The following FAM110B variants were observed in gnomAD, a reference collection of about 807,000 sequenced individuals.
The protein encoded by FAM110B is protein FAM110B.
In FAM110B, 6 loss-of-function variants were observed where a neutral mutation model predicts 20.4. The observed-to-expected ratio is 0.29, with a 90% CI of 0.16 to 0.58. The LOEUF (loss-of-function observed/expected upper bound fraction) is 0.58. Among genes scored for constraint, FAM110B ranks in the 20% least tolerant of loss-of-function variants. The probability of loss-of-function intolerance (pLI) is 0.90; values close to 1 mark genes in which losing one functional copy is unlikely to be tolerated. For missense variants in FAM110B, 434 were observed against 498.2 expected, an observed-to-expected ratio of 0.87 and a Z score of 1.23; for synonymous variants, 226 against 214.1, an observed-to-expected ratio of 1.06 and a Z score of -0.49.
intron 2 of FAM110B, chr8:58,032,043 G>C (rs1804972952): frequency 6.6e-6 from 1 of 152,220 alleles, no homozygotes; most frequent in African/African-American, 2.4e-5. Flanking sequence ...GCCGGCTGCT[G>C]GGGGGCAGAT....
intron 2 of FAM110B, among the ~76,000 whole-genome samples, chr8:58,059,739 T>A (rs928848922): frequency 7.2e-5 from 11 of 152,068 alleles, no homozygotes; most frequent in African/African-American, 2.4e-5. Flanking sequence ...GCAGACATTT[T>A]AATTTTTGTT....
At chr8:58,115,865 G>A (rs912247061) in intron 3 of FAM110B, among the ~76,000 whole-genome samples, 2 of 152,202 alleles carry the variant, frequency 1.3e-5, no homozygotes, top group Non-Finnish European at 2.9e-5. Context: ...TGTTAGCAGA[G>A]GTAGAATAGC....
chr8:58,132,076 G>A (rs1000213851), intron 3 of FAM110B, among the ~76,000 whole-genome samples: 2 of 152,144 alleles, frequency 1.3e-5, no homozygotes, highest in African/African-American at 2.4e-5. Context: ...TATTTTCCAC[G>A]AAGGAGGGTG....
At chr8:58,025,031 C>T (rs181268885) in intron 1 of FAM110B, among the ~76,000 whole-genome samples, 74 of 152,306 alleles carry the variant, frequency 4.9e-4, no homozygotes, top group Middle Eastern at 6.8e-3. Flanking sequence ...ACATAAACAA[C>T]ATGGCTAATT....
chr8:57,997,973 T>A (rs1804217899), intron 1 of FAM110B, among the ~76,000 whole-genome samples: 1 of 152,200 alleles, frequency 6.6e-6, no homozygotes, highest in African/African-American at 2.4e-5. Flanking sequence ...CCAGACCCCA[T>A]GAATCTTTCT....
intron 2 of FAM110B, among the ~76,000 whole-genome samples, chr8:58,033,819 A>T (rs1252404478): frequency 1.3e-5 from 2 of 152,112 alleles, no homozygotes; most frequent in Admixed American, 6.5e-5. Flanking sequence ...GCTGCAAGTC[A>T]GTTGATTGCC....
chr8:58,097,050 G>A (rs959981516), intron 3 of FAM110B, among the ~76,000 whole-genome samples: 2 of 152,094 alleles, frequency 1.3e-5, no homozygotes, highest in African/African-American at 2.4e-5. Flanking sequence ...GAGTATCTTC[G>A]TGGTGTTCAC....
At position 58,148,170 on chromosome 8, in the gene FAM110B, T is replaced by G. The variant is rs1422278648; in HGVS notation, c.*827T>G. ...AAAAAAAAGTTGTGGTTTTTTGTTT[T>G]TTTTTTTTTTTTTTTTGGTCGAGAA... On this transcript the variant is annotated 3_prime_UTR_variant, in exon 4 of 4. Coordinates refer to ENST00000519262, the MANE Select transcript of FAM110B (RefSeq NM_001377989.1). 1 of 149,062 alleles carries G rather than the reference T, an allele frequency of 6.7e-6. No individual in the cohort carries two copies. The highest frequency in any genetic ancestry group is 2.0e-4 in the East Asian group (1 of 5,090). The allele number at this position is 149,062 out of a possible 1,614,324, so 9.2% of individuals were successfully genotyped here.
chr8:58,097,867 T>C (rs1806672529), intron 3 of FAM110B, among the ~76,000 whole-genome samples: 1 of 152,234 alleles, frequency 6.6e-6, no homozygotes, highest in African/African-American at 2.4e-5. Flanking sequence ...AGACCCTGTT[T>C]GCATGGGTAT....
intron 3 of FAM110B, among the ~76,000 whole-genome samples, chr8:58,116,761 A>G (rs952438752): frequency 1.3e-5 from 2 of 152,220 alleles, no homozygotes; most frequent in African/African-American, 4.8e-5. Context: ...ATGAATGAAC[A>G]TTCAGTTTCC....
chr8:58,122,874 G>A (rs925163944), intron 3 of FAM110B, among the ~76,000 whole-genome samples: 19 of 152,190 alleles, frequency 1.2e-4, no homozygotes, highest in Non-Finnish European at 2.4e-4. Context: ...GTGGAGGTGG[G>A]AGTTGCTGAT....
intron 1 of FAM110B, among the ~76,000 whole-genome samples, chr8:58,001,860 T>C (rs989374927): frequency 6.6e-6 from 1 of 152,046 alleles, no homozygotes; most frequent in Admixed American, 6.6e-5. Flanking sequence ...AGAATATACA[T>C]AGAAAAAAAG....
chr8:58,064,168 A>G (rs1375197993), intron 2 of FAM110B, among the ~76,000 whole-genome samples: 2 of 152,192 alleles, frequency 1.3e-5, no homozygotes, highest in Non-Finnish European at 2.9e-5. Context: ...CCCCATGATC[A>G]AATCACCTCC....
chr8:58,139,322 A>G (rs141970179), intron 3 of FAM110B, among the ~76,000 whole-genome samples: 3 of 152,380 alleles, frequency 2.0e-5, no homozygotes, highest in African/African-American at 7.2e-5. Flanking sequence ...AGATTCAGGC[A>G]TCAGAATTAT....
At chr8:58,134,184 A>G (rs1803556326) in intron 3 of FAM110B, among the ~76,000 whole-genome samples, 1 of 152,236 alleles carries the variant, frequency 6.6e-6, no homozygotes, top group African/African-American at 2.4e-5. Flanking sequence ...AACAACTGCT[A>G]TACAAAGAAC....
At chr8:58,095,436 G>T (rs1806598213) in intron 3 of FAM110B, among the ~76,000 whole-genome samples, 1 of 152,096 alleles carries the variant, frequency 6.6e-6, no homozygotes, top group South Asian at 2.1e-4. Context: ...CTGGCACATT[G>T]TGTCTTTTTT....
chr8:58,123,836 G>T (rs1358256930), intron 3 of FAM110B, among the ~76,000 whole-genome samples: 1 of 152,110 alleles, frequency 6.6e-6, no homozygotes, highest in African/African-American at 2.4e-5. Context: ...ACACTTTCCC[G>T]CTGCGCATAC....
chr8:58,089,132 C>A (rs1317225101), intron 3 of FAM110B, among the ~76,000 whole-genome samples: 1 of 152,198 alleles, frequency 6.6e-6, no homozygotes. Context: ...ATCGGAGGCA[C>A]ATTTTTGCAT....
intron 1 of FAM110B, among the ~76,000 whole-genome samples, chr8:58,019,463 A>T (rs1005768898): frequency 6.6e-5 from 10 of 151,834 alleles, no homozygotes; most frequent in Non-Finnish European, 2.9e-5. Context: ...TCTTCCTGAG[A>T]TCTAAATTTT....
Sources: gnomAD v4.1 joint callset for allele counts (sites outside exome capture counted in the v4.1 genomes callset) on GRCh38, gnomAD v4.1.1 for gene constraint, MANE v1.5 for transcripts, NCBI Gene and HGNC (gene_info 2026-07-23, HGNC 2026-07-21) for gene names.